LAMTOR1: variants seen among roughly 807,000 people sequenced by gnomAD.
LAMTOR1 encodes late endosomal/lysosomal adaptor, MAPK and MTOR activator 1, also known as ragulator complex protein LAMTOR1.
LAMTOR1 carries 8 observed loss-of-function variants against 20.5 expected under a neutral mutation model. The ratio of observed to expected loss-of-function variants is 0.39; its 90% confidence interval spans 0.23 to 0.70. LAMTOR1 has a LOEUF of 0.70. LAMTOR1 is among the 30% of genes least tolerant of loss of function. The pLI is 0.43. For synonymous variants in LAMTOR1, 77 were observed against 80.9 expected (o/e 0.95, Z 0.26); for missense variants, 135 against 206.2 (o/e 0.65, Z 2.11).
At position 72,097,633 on chromosome 11, in the gene LAMTOR1, C is replaced by T; in HGVS notation, c.*189G>A. The T allele has an allele frequency of 1.4e-6, 2 of 1,411,856 alleles. No individual in the cohort carries two copies. Among genetic ancestry groups the T allele is most frequent in the South Asian group, 3.0e-5 (2 of 66,328 alleles). The allele number at this position is 1,411,856 out of a possible 1,614,324, so 87.5% of individuals were successfully genotyped here. A position where few individuals can be genotyped will look rare whatever the true frequency, so the allele number is the denominator to read the frequency against. ...CCATCCCTGGCCAGAGCTTCAAAGG[C>T]CAGTCCCAAAAGGTTCTACCCTCAC... On this transcript the variant is annotated 3_prime_UTR_variant, in exon 5 of 5. Coordinates refer to ENST00000278671, the MANE Select transcript of LAMTOR1 (RefSeq NM_017907.3).
At chr11:72,103,078 A>C in intron 1 of LAMTOR1, 105 bp downstream of exon 1, 2 of 1,409,766 alleles carry the variant, frequency 1.4e-6, no homozygotes, top group Non-Finnish European at 2.0e-6. Flanking sequence ...CTCCGTATTC[A>C]GTGAGCCCTG....
Position 72,097,714 on chromosome 11 carries a change from TTAG to T in LAMTOR1, c.*105_*107del. 1.9e-6 allele frequency: 3 copies of T among 1,574,736 alleles called. No individual in the cohort carries two copies. The highest frequency in any genetic ancestry group is 2.6e-6 in the Non-Finnish European group (3 of 1,158,712). The stretch of plus-strand genomic sequence containing the variant: ...TCCTTCTTCACATTTTTCTCTGTGA[TTAG>T]TAGCAGGTTAGGGTACTGTATAAGC... On this transcript the variant is annotated 3_prime_UTR_variant, in exon 5 of 5. Transcript: ENST00000278671.
At chr11:72,102,440 G>A (rs1803823259) in intron 1 of LAMTOR1, among the ~76,000 whole-genome samples, 1 of 152,124 alleles carries the variant, frequency 6.6e-6, no homozygotes, top group Admixed American at 6.5e-5. Context: ...TTCTCCAAAG[G>A]TATCAGATCT....
Position 72,099,241 on chromosome 11 carries a change from T to G in LAMTOR1, c.58A>C (p.Lys20Gln). 1 of 1,584,550 alleles carries G rather than the reference T, an allele frequency of 6.3e-7. No individual in the cohort carries two copies. Among genetic ancestry groups the G allele is most frequent in the East Asian group, 2.2e-5 (1 of 44,502 alleles). The change falls in exon 2 of 5, where the codon AAG becomes CAG. Residue 20 changes from lysine (K) to glutamine (Q), a missense_variant. Lys to Gln is a moderately conservative substitution (Grantham distance 53, BLOSUM62 1). Coordinates refer to ENST00000278671, the MANE Select transcript of LAMTOR1 (RefSeq NM_017907.3). Reference protein sequence around the residue: ...EDSDQDREERKLLLDPSSPPT... With the variant: ...EDSDQDREERQLLLDPSSPPT... ...GGGCTGCTAGGGTCCAGCAGCAGCTTCCGCTCCTCTCGGTCCTAGAAGTGG... is the reference window on the plus strand; with the variant it reads ...GGGCTGCTAGGGTCCAGCAGCAGCTGCCGCTCCTCTCGGTCCTAGAAGTGG...
chr11:72,098,487 A>T, intron 3 of LAMTOR1, 72 bp from the exon 4 acceptor site: 1 of 1,529,064 alleles, frequency 6.5e-7, no homozygotes, highest in South Asian at 1.3e-5. Context: ...GGTAAGCCTC[A>T]TCCCCTCAGG....
intron 1 of LAMTOR1, among the ~76,000 whole-genome samples, chr11:72,102,882 G>A (rs1945495932): frequency 6.6e-6 from 1 of 152,206 alleles, no homozygotes; most frequent in African/African-American, 2.4e-5. Flanking sequence ...AGTGTTTCCC[G>A]GGGACCTAGA....
chr11:72,098,717 TG>T (rs1204070905), intron 3 of LAMTOR1, 63 bp downstream of exon 3: 2 of 1,235,114 alleles, frequency 1.6e-6, no homozygotes, highest in Non-Finnish European at 2.2e-6. Flanking sequence ...GCTCCAAAGC[TG>T]GAACAGTGAT....
rs755970684 is a variant in LAMTOR1 at position 72,098,315 on chromosome 11, G to T, written c.367C>A (p.Pro123Thr). 25 of 1,613,666 alleles carry T rather than the reference G, an allele frequency of 1.5e-5. No individual in the cohort carries two copies. The highest frequency in any genetic ancestry group is 2.0e-5 in the Non-Finnish European group (24 of 1,179,954). ...TGCTGCAAATCAGAGAACGGGATGG[G>T]CTCACTGGCCAGCACTTGGTGGGGC... The part of the protein sequence containing the change: ...SQPHQVLASE[P>T]IPFSDLQQVS... The change falls in exon 4 of 5, where the codon CCC becomes ACC. Residue 123 changes from proline (P) to threonine (T), a missense_variant. Pro to Thr is a conservative substitution (Grantham distance 38). Coordinates refer to ENST00000278671, the MANE Select transcript of LAMTOR1 (RefSeq NM_017907.3).
chr11:72,098,870 GGAGACA>G lies in LAMTOR1; in HGVS notation c.189-18_189-13del. 1 of 1,544,356 alleles carries G rather than the reference GGAGACA, an allele frequency of 6.5e-7. No homozygotes were observed. The highest frequency in any genetic ancestry group is 8.7e-7 in the Non-Finnish European group (1 of 1,143,140). On this transcript the variant is annotated splice_polypyrimidine_tract_variant and intron_variant, in intron 2 of 4. Coordinates refer to ENST00000278671, the MANE Select transcript of LAMTOR1 (RefSeq NM_017907.3). ...CATCAATGATGTTGCTATGGGGAGAGGAGACAGAGATGACATGACAGGTGCTTCCGA... is the reference window on the plus strand; with the variant it reads ...CATCAATGATGTTGCTATGGGGAGAGGAGATGACATGACAGGTGCTTCCGA...
intron 4 of LAMTOR1, 73 bp from the exon 5 acceptor site, chr11:72,097,987 G>A: frequency 6.7e-7 from 1 of 1,499,570 alleles, no homozygotes; most frequent in Non-Finnish European, 9.0e-7. Context: ...AATGGGGAGG[G>A]GAGATTAGAT....
chr11:72,098,729 G>T, intron 3 of LAMTOR1, 52 bp downstream of exon 3: 1 of 1,315,868 alleles, frequency 7.6e-7, no homozygotes, highest in Non-Finnish European at 1.0e-6. Flanking sequence ...GAACAGTGAT[G>T]GAGGGTGGGA....
intron 1 of LAMTOR1, among the ~76,000 whole-genome samples, chr11:72,102,664 T>C (rs1284584910): frequency 2.0e-5 from 3 of 152,172 alleles, no homozygotes; most frequent in Non-Finnish European, 4.4e-5. Context: ...AATCCTTCAT[T>C]GGCCAATTCA....
In LAMTOR1 at chr11:72,103,192, G is replaced by A. The variant is rs758909622; in HGVS notation, c.33C>T (p.Asp11=). ...CCTGCCGCGGCCGCACCTGGTCCGA[G>A]TCCTCGTTCTCGCTGCTGTAGCAGC... MGCCYSSENE[D]SDQDREERKL... is the part of the protein sequence containing the mutation. Residue 11 remains aspartate, a synonymous_variant, in exon 1 of 5, where the codon GAC becomes GAT. Transcript: ENST00000278671. 15 of 1,585,816 alleles carry A rather than the reference G, an allele frequency of 9.5e-6. No individual in the cohort carries two copies. Among genetic ancestry groups the A allele is most frequent in the Admixed American group, 1.8e-5 (1 of 56,466 alleles).
chr11:72,100,579 C>G (rs1945401798), intron 1 of LAMTOR1: 1 of 152,260 alleles, frequency 6.6e-6, no homozygotes, highest in Non-Finnish European at 1.5e-5. Context: ...CAAGAGTGCC[C>G]TGAACAAAGC....
Position 72,097,365 on chromosome 11 carries a change from T to A in LAMTOR1, c.*457A>T. ...AGACCAAACATGTAAAAACCCAGGG[T>A]TCTAGAAATACAAACTCAATTCATT... On this transcript the variant is annotated 3_prime_UTR_variant, in exon 5 of 5. Transcript: ENST00000278671. The A allele has an allele frequency of 1.0e-6, 1 of 995,974 alleles. No homozygotes were observed. Among genetic ancestry groups the A allele is most frequent in the South Asian group, 4.4e-5 (1 of 22,636 alleles). 61.7% of individuals were successfully genotyped at this position (995,974 alleles called of 1,614,324 possible).
Position 72,097,614 on chromosome 11 carries a change from C to T in LAMTOR1, c.*208G>A. ...TGTCCTTTTGGCCCCCACCCCATCC[C>T]TGGCCAGAGCTTCAAAGGCCAGTCC... is the stretch of plus-strand genomic sequence containing the variant. On this transcript the variant is annotated 3_prime_UTR_variant, in exon 5 of 5. Transcript: ENST00000278671. 4 of 1,388,042 alleles carry T rather than the reference C, an allele frequency of 2.9e-6. No homozygotes were observed. In the South Asian group the frequency reaches 4.7e-5, roughly 16 times the overall value. 86.0% of individuals were successfully genotyped at this position (1,388,042 alleles called of 1,614,324 possible). A position where few individuals can be genotyped will look rare whatever the true frequency, so the allele number is the denominator to read the frequency against.
At chr11:72,098,212 G>A (rs1485875267) in intron 4 of LAMTOR1, 77 bp downstream of exon 4, 4 of 1,573,486 alleles carry the variant, frequency 2.5e-6, no homozygotes, top group Non-Finnish European at 8.7e-7. Context: ...CCTCCTCTGA[G>A]GCAGAGTGGG....
intron 1 of LAMTOR1, among the ~76,000 whole-genome samples, chr11:72,102,672 T>A (rs1193509177): frequency 1.3e-5 from 2 of 152,124 alleles, no homozygotes; most frequent in African/African-American, 2.4e-5. Flanking sequence ...ATTGGCCAAT[T>A]CAAAGGCCAC....
chr11:72,098,023 G>A lies in LAMTOR1; in HGVS notation c.394-109C>T, dbSNP rs908053845. The A allele has an allele frequency of 3.0e-6, 4 of 1,349,156 alleles. No individual in the cohort carries two copies. In the African/African-American group the frequency reaches 4.4e-5, roughly 15 times the overall value. 83.6% of individuals were successfully genotyped at this position (1,349,156 alleles called of 1,614,324 possible). On this transcript the variant is annotated intron_variant, in intron 4 of 4. Transcript: ENST00000278671. ...GGTGATGGAGAAGGAGGGAATGAAGGGGAACAGGAAGGCAAAGAGAAAGAC... is the reference window on the plus strand; with the variant it reads ...GGTGATGGAGAAGGAGGGAATGAAGAGGAACAGGAAGGCAAAGAGAAAGAC...
Sources: gnomAD v4.1 joint callset for allele counts (sites outside exome capture counted in the v4.1 genomes callset) on GRCh38, gnomAD v4.1.1 for gene constraint, MANE v1.5 for transcripts, NCBI Gene and HGNC (gene_info 2026-07-23, HGNC 2026-07-21) for gene names.